The following ADGRE2 variants were observed in gnomAD, a reference collection of about 807,000 sequenced individuals.
The protein encoded by ADGRE2 is CD97 antigen.
ADGRE2 carries 83 observed loss-of-function variants against 100.8 expected under a neutral mutation model. The ratio of observed to expected loss-of-function variants is 0.82; its 90% CI spans 0.69 to 0.99. ADGRE2 has a LOEUF of 0.99. Among genes scored for constraint, ADGRE2 ranks in the 50% least tolerant of loss-of-function variants. The pLI is 0.00. For synonymous variants in ADGRE2, 355 were observed against 413.0 expected, an observed-to-expected ratio of 0.86 and a Z score of 1.70; for missense variants, 814 against 1,035.7, an observed-to-expected ratio of 0.79 and a Z score of 2.94.
downstream of ADGRE2, among the ~76,000 whole-genome samples, chr19:14,730,103 AG>A (rs1470761113): frequency 6.6e-6 from 1 of 152,050 alleles, no homozygotes; most frequent in Non-Finnish European, 1.5e-5. Context: ...CCCAGGCTGG[AG>A]TACAATGGCA....
In ADGRE2 at chr19:14,743,524, C is replaced by T. The variant is rs1315718244; in HGVS notation, c.2359G>A (p.Glu787Lys). 1.9e-6 allele frequency: 3 copies of T among 1,614,038 alleles called. No individual in the cohort carries two copies. The highest frequency in any genetic ancestry group is 2.2e-5 in the East Asian group (1 of 44,878). The change falls in exon 20 of 21, where the codon GAG (glutamate) becomes AAG (lysine). Residue 787 changes from glutamate to lysine, a missense_variant. Transcript: ENST00000315576. ...CCTTTGGACCATTTCCCATATTGCT[C>T]CCGGACCTGCAGAGGCAAAGTGTGT... is the stretch of plus-strand genomic sequence containing the variant. ...VYCLLSQQVR[E>K]QYGKWSKGIR...
chr19:14,731,223 G>T (rs1292039334), downstream of ADGRE2: 14 of 1,529,556 alleles, frequency 9.2e-6, no homozygotes, highest in Non-Finnish European at 1.1e-5. Flanking sequence ...TCTCTTGCAT[G>T]TTCAGATCGC....
chr19:14,752,252 T>A, intron 15 of ADGRE2, 77 bp downstream of exon 15: 1 of 1,561,012 alleles, frequency 6.4e-7, no homozygotes, highest in East Asian at 2.3e-5. Context: ...TATTAAGGAA[T>A]CAAATGCCGC....
chr19:14,776,868 A>G lies in ADGRE2; in HGVS notation c.-112T>C. The G allele has an allele frequency of 2.6e-6, 4 of 1,549,760 alleles. No homozygotes were observed. The highest frequency in any genetic ancestry group is 3.5e-6 in the Non-Finnish European group (4 of 1,146,576). On this transcript the variant is annotated 5_prime_UTR_variant, in exon 2 of 21. Coordinates refer to ENST00000315576, the MANE Select transcript of ADGRE2 (RefSeq NM_013447.4). ...CGGGCTGTCCCGAGGCCAGGACTTT[A>G]TAAAGGAGGGGGGGCGGACAGCCGC...
At chr19:14,731,111 C>T (rs2042667599), downstream of ADGRE2, 9 of 1,448,570 alleles carry the variant, frequency 6.2e-6, no homozygotes, top group South Asian at 4.9e-5. Context: ...AAGGATTGGC[C>T]CCTTTATTCA....
At chr19:14,744,301 C>G (rs1414815171) in intron 18 of ADGRE2, among the ~76,000 whole-genome samples, 2 of 151,796 alleles carry the variant, frequency 1.3e-5, no homozygotes, top group East Asian at 3.9e-4. Context: ...TGTTCATGAA[C>G]TACACAGTCT....
chr19:14,777,241 T>A (rs550680812), intron 1 of ADGRE2, among the ~76,000 whole-genome samples: 157 of 152,286 alleles, frequency 1.0e-3, no homozygotes, highest in African/African-American at 3.6e-3. Context: ...GGCTCCCACT[T>A]TGGTAGGGCT....
rs1195120458 is a variant in ADGRE2, at chr19:14,750,154, T to C, written c.2024+1282A>G. ...TGTTATGTAATTATTCATAGTTACATAATTATTTATAGCTATGTTATATAA... is the reference window on the plus strand; with the variant it reads ...TGTTATGTAATTATTCATAGTTACACAATTATTTATAGCTATGTTATATAA... On this transcript the variant is annotated intron_variant, in intron 16 of 20. Transcript: ENST00000315576. 1.5e-5 allele frequency among the ~76,000 whole-genome samples: 2 copies of C among 133,138 alleles called. 1 individual carries two copies. The highest frequency in any genetic ancestry group is 6.1e-5 in the African/African-American group (2 of 32,926). The allele number at this position is 133,138 out of a possible 152,430, so 87.3% of individuals were successfully genotyped here. A position where few individuals can be genotyped will look rare whatever the true frequency, so the allele number is the denominator to read the frequency against.
chr19:14,754,119 T>G (rs952167191), intron 14 of ADGRE2, among the ~76,000 whole-genome samples: 1 of 150,866 alleles, frequency 6.6e-6, no homozygotes, highest in Non-Finnish European at 1.5e-5. Flanking sequence ...CCTCCCAGCC[T>G]ACATCTTTCT....
chr19:14,747,534 A>C (rs1034932497), intron 16 of ADGRE2, among the ~76,000 whole-genome samples: 1 of 151,214 alleles, frequency 6.6e-6, no homozygotes, highest in African/African-American at 2.4e-5. Context: ...GGCCAGGTGC[A>C]GTGGTTCACA....
At chr19:14,768,068 C>A (rs938970748) in intron 5 of ADGRE2, among the ~76,000 whole-genome samples, 1 of 152,226 alleles carries the variant, frequency 6.6e-6, no homozygotes, top group Non-Finnish European at 1.5e-5. Context: ...ATGCATGGCT[C>A]CAGCATCTGC....
rs1418168999 is a variant in ADGRE2 at position 14,733,063 on chromosome 19, C to G, written c.*3173G>C. 6.6e-6 allele frequency: 1 copy of G among 152,252 alleles called. No homozygotes were observed. The highest frequency in any genetic ancestry group is 1.5e-5 in the Non-Finnish European group (1 of 68,094). 9.4% of individuals were successfully genotyped at this position (152,252 alleles called of 1,614,324 possible). ...CTGCTTCCTCAAGCAGCAGCTGACT[C>G]TGATATTCCCCATCTCACCTTAGCA... On this transcript the variant is annotated 3_prime_UTR_variant, in exon 21 of 21. Coordinates refer to ENST00000315576, the MANE Select transcript of ADGRE2 (RefSeq NM_013447.4).
At chr19:14,776,686 T>G (rs751994772) in intron 2 of ADGRE2, 40 bp downstream of exon 2, 4 of 1,599,238 alleles carry the variant, frequency 2.5e-6, no homozygotes, top group Non-Finnish European at 3.4e-6. Flanking sequence ...CCGCTGGAGC[T>G]TCCTCGCTAC....
chr19:14,745,754 G>A (rs2043067690), intron 18 of ADGRE2, among the ~76,000 whole-genome samples: 1 of 152,018 alleles, frequency 6.6e-6, no homozygotes, highest in Admixed American at 6.6e-5. Flanking sequence ...ACAGGTGCCT[G>A]CCACCATGCC....
Position 14,776,830 on chromosome 19 carries a change from C to A in ADGRE2, c.-74G>T. Reference sequence around the variant, plus strand: ...GACAGGGCTGTCCCGTCTCCGCAGGCTGGGCAGCTGTGCGGGCTGTCCCGA... The same window carrying A: ...GACAGGGCTGTCCCGTCTCCGCAGGATGGGCAGCTGTGCGGGCTGTCCCGA... On this transcript the variant is annotated 5_prime_UTR_variant, in exon 2 of 21. Transcript: ENST00000315576. 1 of 1,600,262 alleles carries A rather than the reference C, an allele frequency of 6.2e-7. No individual in the cohort carries two copies. The highest frequency in any genetic ancestry group is 8.5e-7 in the Non-Finnish European group (1 of 1,173,634).
intron 14 of ADGRE2, among the ~76,000 whole-genome samples, chr19:14,754,451 C>CTATCTATA (rs1195306634): frequency 2.1e-5 from 3 of 141,926 alleles, no homozygotes; most frequent in African/African-American, 8.1e-5. Flanking sequence ...ATCTATCTAT[C>CTATCTATA]TATCTATCTA....
intron 5 of ADGRE2, among the ~76,000 whole-genome samples, chr19:14,767,432 G>GTATTA (rs1230531084): frequency 2.6e-5 from 4 of 151,948 alleles, no homozygotes; most frequent in African/African-American, 9.7e-5. Flanking sequence ...TATTAGACGG[G>GTATTA]GTTTCACCGT....
Position 14,752,377 on chromosome 19 carries a change from G to A in ADGRE2, c.1740C>T (p.Phe580=). The A allele has an allele frequency of 6.2e-7, 1 of 1,614,212 alleles. No individual in the cohort carries two copies. The highest frequency in any genetic ancestry group is 8.5e-7 in the Non-Finnish European group (1 of 1,180,036). ...SLHLQLSLCL[F]LAHLLFLVAI... ...CCACGAGGAAGAGGAGGTGGGCCAG[G>A]AAGAGGCAGAGCGAGAGCTGCAGAT... The change falls in exon 15 of 21, where the codon TTC becomes TTT. Residue 580 remains phenylalanine (F), a synonymous_variant. Transcript: ENST00000315576.
At chr19:14,740,759 A>AGG (rs2042905839) in intron 20 of ADGRE2, among the ~76,000 whole-genome samples, 2 of 152,164 alleles carry the variant, frequency 1.3e-5, no homozygotes, top group African/African-American at 4.8e-5. Flanking sequence ...ACTTTACACA[A>AGG]GGGGTCTTGC....
Sources: allele counts gnomAD v4.1 joint callset (sites outside exome capture counted in the v4.1 genomes callset), GRCh38; gene constraint gnomAD v4.1.1; transcripts MANE v1.5; gene names NCBI Gene and HGNC (gene_info 2026-07-23, HGNC 2026-07-21).